SYNPR: variants seen among roughly 807,000 people sequenced by gnomAD.
SYNPR encodes the protein synaptoporin.
A neutral mutation model predicts 32.9 loss-of-function variants in SYNPR; 23 were observed. That is an observed-to-expected ratio of 0.70 (90% CI 0.50 to 0.99). SYNPR has a LOEUF of 0.99. Ranked by LOEUF, SYNPR falls within the 50% of genes least tolerant of loss-of-function variation. The pLI is 0.00. For synonymous variants in SYNPR, 146 were observed against 135.9 expected (o/e 1.07, Z -0.52); for missense variants, 318 against 349.3 (o/e 0.91, Z 0.71).
At chr3:63,548,504 G>T (rs1048231482) in intron 3 of SYNPR, among the ~76,000 whole-genome samples, 2 of 152,044 alleles carry the variant, frequency 1.3e-5, no homozygotes, top group Non-Finnish European at 2.9e-5. Context: ...ATCTGTAAAT[G>T]CACACACAAA....
chr3:63,518,737 C>A (rs1045124708), intron 3 of SYNPR, among the ~76,000 whole-genome samples: 1 of 152,148 alleles, frequency 6.6e-6, no homozygotes, highest in Non-Finnish European at 1.5e-5. Flanking sequence ...CTTCACAACA[C>A]CCTTCTGGAG....
chr3:63,303,434 T>A (rs2086877788), intron 2 of SYNPR, among the ~76,000 whole-genome samples: 1 of 152,000 alleles, frequency 6.6e-6, no homozygotes, highest in Non-Finnish European at 1.5e-5. Flanking sequence ...AACACGTCAG[T>A]ACCTGCTCAG....
intron 2 of SYNPR, among the ~76,000 whole-genome samples, chr3:63,258,391 C>A (rs2086406914): frequency 6.6e-6 from 1 of 152,204 alleles, no homozygotes; most frequent in Non-Finnish European, 1.5e-5. Context: ...ACAGTGCGAT[C>A]AAACTAGAAC....
chr3:63,224,436 G>T (rs1033070833), upstream of SYNPR, among the ~76,000 whole-genome samples: 3 of 152,160 alleles, frequency 2.0e-5, no homozygotes, highest in Non-Finnish European at 4.4e-5. Flanking sequence ...CACTGTGATA[G>T]AAGACATGAC....
chr3:63,479,626 T>C (rs1463678826), intron 2 of SYNPR, among the ~76,000 whole-genome samples: 2 of 152,182 alleles, frequency 1.3e-5, no homozygotes, highest in Admixed American at 6.5e-5. Context: ...GCAGGAGTTA[T>C]AGATAATATT....
the SYNPR span, among the ~76,000 whole-genome samples, chr3:63,218,724 T>A: frequency 6.6e-6 from 1 of 152,146 alleles, no homozygotes; most frequent in Admixed American, 6.6e-5. Context: ...TGTTTTTTCA[T>A]AAAGCGATAC....
chr3:63,436,864 G>A (rs1700094219), intron 2 of SYNPR, among the ~76,000 whole-genome samples: 1 of 152,044 alleles, frequency 6.6e-6, no homozygotes, highest in Non-Finnish European at 1.5e-5. Context: ...CAGGGTATGG[G>A]CTTTCCTTTT....
At chr3:63,334,356 A>G (rs772775554) in intron 2 of SYNPR, among the ~76,000 whole-genome samples, 21 of 152,218 alleles carry the variant, frequency 1.4e-4, no homozygotes, top group Admixed American at 5.2e-4. Flanking sequence ...TGTGGTTGCT[A>G]CAAAGAAGAG....
chr3:63,514,780 C>A (rs929580612), intron 3 of SYNPR, among the ~76,000 whole-genome samples: 35 of 152,204 alleles, frequency 2.3e-4, no homozygotes, highest in African/African-American at 7.9e-4. Context: ...TAATGAATAA[C>A]CTTCCTCTCT....
chr3:63,297,142 G>A (rs887226378), intron 2 of SYNPR, among the ~76,000 whole-genome samples: 2 of 152,196 alleles, frequency 1.3e-5, no homozygotes, highest in Non-Finnish European at 2.9e-5. Context: ...TTAGATTAGG[G>A]ACTAGCTATT....
chr3:63,375,844 TGA>T (rs2087884260), intron 2 of SYNPR, among the ~76,000 whole-genome samples: 1 of 152,212 alleles, frequency 6.6e-6, no homozygotes, highest in Non-Finnish European at 1.5e-5. Context: ...ACTCCAGTTA[TGA>T]GTGTGCAGTG....
At chr3:63,606,647 T>A (rs1228175836) in intron 4 of SYNPR, among the ~76,000 whole-genome samples, 1 of 152,004 alleles carries the variant, frequency 6.6e-6, no homozygotes, top group African/African-American at 2.4e-5. Flanking sequence ...CCTAGGCTGG[T>A]CTTGAACTCC....
chr3:63,556,162 G>A (rs1196195904), intron 3 of SYNPR, among the ~76,000 whole-genome samples: 1 of 152,178 alleles, frequency 6.6e-6, no homozygotes, highest in South Asian at 2.1e-4. Flanking sequence ...AGAGCAGCAG[G>A]GGAGGAGTCT....
intron 2 of SYNPR, among the ~76,000 whole-genome samples, chr3:63,351,029 G>T (rs141513501): frequency 6.6e-6 from 1 of 152,104 alleles, no homozygotes; most frequent in East Asian, 1.9e-4. Flanking sequence ...CAGACATTAT[G>T]CTTTCTTGCA....
chr3:63,520,191 A>G (rs1701879066), intron 3 of SYNPR, among the ~76,000 whole-genome samples: 1 of 152,188 alleles, frequency 6.6e-6, no homozygotes, highest in Non-Finnish European at 1.5e-5. Flanking sequence ...TCTCATTAGC[A>G]AATAGGTAGC....
chr3:63,444,302 A>G (rs895246147), intron 2 of SYNPR: 2 of 152,262 alleles, frequency 1.3e-5, no homozygotes, highest in African/African-American at 4.8e-5. Flanking sequence ...GTTCGAGAGT[A>G]AAAGATGCTC....
chr3:63,345,824 T>C (rs71636052), intron 2 of SYNPR, among the ~76,000 whole-genome samples: 31,485 of 152,026 alleles, frequency 0.21, 3,743 homozygotes, highest in South Asian at 0.38. Flanking sequence ...CTGGAACTTT[T>C]TTTTTTTTGA....
chr3:63,226,001 T>C (rs190113508), upstream of SYNPR, among the ~76,000 whole-genome samples: 94 of 151,598 alleles, frequency 6.2e-4, 1 homozygote, highest in Middle Eastern at 0.01. Context: ...ACTTGATCAC[T>C]TCTGTAAGGA....
At chr3:63,332,358 A>G (rs1194812443) in intron 2 of SYNPR, among the ~76,000 whole-genome samples, 1 of 152,148 alleles carries the variant, frequency 6.6e-6, no homozygotes, top group Non-Finnish European at 1.5e-5. Context: ...ATGGCTTTGT[A>G]CAGCTCACTT....
Sources: allele counts gnomAD v4.1 joint callset (sites outside exome capture counted in the v4.1 genomes callset), GRCh38; gene constraint gnomAD v4.1.1; transcripts MANE v1.5; gene names NCBI Gene and HGNC (gene_info 2026-07-23, HGNC 2026-07-21).